PCDHGB7: variants seen among roughly 807,000 people sequenced by gnomAD.
PCDHGB7 encodes the protein protocadherin gamma subfamily B, 7.
A neutral mutation model predicts 61.4 loss-of-function variants in PCDHGB7; 37 were observed. The observed-to-expected ratio is 0.60, with a 90% CI of 0.46 to 0.79. PCDHGB7 has a LOEUF of 0.79. Ranked by LOEUF, PCDHGB7 falls within the 30% of genes least tolerant of loss-of-function variation. The pLI is 0.00. For missense variants in PCDHGB7, 1,166 were observed against 1,202.5 expected, an observed-to-expected ratio of 0.97 and a Z score of 0.45; for synonymous variants, 464 against 503.5, an observed-to-expected ratio of 0.92 and a Z score of 1.05.
Position 141,489,417 on chromosome 5 carries a change from G to A in PCDHGB7, c.2416-5390G>A, listed in dbSNP as rs1020232739. On this transcript the variant is annotated intron_variant, in intron 1 of 3. Coordinates refer to ENST00000398594, the MANE Select transcript of PCDHGB7 (RefSeq NM_018927.4). This position sits in a 1 kb window ranked among gnomAD's most constrained non-coding sequence, Gnocchi z 4.5. ...ATCTGGGCTTAAAGATGACAGATCT[G>A]TTGAGCCGGCGGCTGCAATTGGGCT... The A allele has an allele frequency of 1.2e-6, 2 of 1,614,172 alleles. No individual in the cohort carries two copies. The highest frequency in any genetic ancestry group is 3.3e-5 in the Admixed American group (2 of 60,030).
In PCDHGB7 at chr5:141,505,414, C is replaced by T. The variant is rs373956550; in HGVS notation, c.2496C>T (p.Thr832=). The T allele has an allele frequency of 3.0e-5, 48 of 1,614,046 alleles. No homozygotes were observed. In the African/African-American group the frequency reaches 3.1e-4, roughly 10 times the overall value. The change falls in exon 3 of 4, where the codon ACC becomes ACT. Residue 832 remains threonine (T), a synonymous_variant. Transcript: ENST00000398594. ...CCAGCTCCCAAAATGGCGATGACACCGGCACCTGGCCCAACAACCAGTTTG... is the reference window on the plus strand; with the variant it reads ...CCAGCTCCCAAAATGGCGATGACACTGGCACCTGGCCCAACAACCAGTTTG... ...GTSGSQNGDD[T]GTWPNNQFDT...
At position 141,432,627 on chromosome 5, in the gene PCDHGB7, C is replaced by A. The variant is rs886117102; in HGVS notation, c.2415+12353C>A. 1 of 1,613,652 alleles carries A rather than the reference C, an allele frequency of 6.2e-7. No homozygotes were observed. The highest frequency in any genetic ancestry group is 8.5e-7 in the Non-Finnish European group (1 of 1,179,952). On this transcript the variant is annotated intron_variant, in intron 1 of 3. Transcript: ENST00000398594. This position sits in a 1 kb window ranked among gnomAD's most constrained non-coding sequence, Gnocchi z 6.0. ...GGACTCTTCTCGGTGGGTCTGCACA[C>A]GGGCGAGGTGCGCACGGCGCGAGCC...
chr5:141,489,284 T>A lies in PCDHGB7; in HGVS notation c.2416-5523T>A. On this transcript the variant is annotated intron_variant, in intron 1 of 3. Transcript: ENST00000398594. This position sits in a 1 kb window ranked among gnomAD's most constrained non-coding sequence, Gnocchi z 4.5. ...CCACAGCTCGCTGGGAAATGGCAAG[T>A]GCTGTGCATGTTGTCCTTGTGCTGC... The A allele has an allele frequency of 6.4e-7, 1 of 1,570,016 alleles. No homozygotes were observed. The highest frequency in any genetic ancestry group is 2.2e-5 in the East Asian group (1 of 44,588).
chr5:141,453,784 G>T (rs767312144), intron 1 of PCDHGB7, among the ~76,000 whole-genome samples: 47 of 152,298 alleles, frequency 3.1e-4, no homozygotes, highest in Non-Finnish European at 5.6e-4. Flanking sequence ...AGTTACCATG[G>T]TATATTAACT....
In PCDHGB7 at chr5:141,485,178, T is replaced by A; in HGVS notation, c.2416-9629T>A. The stretch of plus-strand genomic sequence containing the variant: ...GAGAATTAGCGGGCGGCAGCAATGC[T>A]CCGCAAGGTGAGAAGCTGGACAGAA... On this transcript the variant is annotated intron_variant, in intron 1 of 3. Transcript: ENST00000398594. This position sits in a 1 kb window ranked among gnomAD's most constrained non-coding sequence, Gnocchi z 5.7. 1.2e-6 allele frequency: 2 copies of A among 1,612,400 alleles called. No homozygotes were observed. Among genetic ancestry groups the A allele is most frequent in the Non-Finnish European group, 1.7e-6 (2 of 1,178,628 alleles).
At position 141,419,265 on chromosome 5, in the gene PCDHGB7, C is replaced by G; in HGVS notation, c.1406C>G (p.Ala469Gly). The stretch of plus-strand genomic sequence containing the variant: ...GTGCCAGAAAACAACCAGCCGGGTG[C>G]CTCCATAGCGCAAGTCAGTGCCTCT... Reference protein sequence around the residue: ...VHVPENNQPGASIAQVSASDP... With the variant: ...VHVPENNQPGGSIAQVSASDP... The change falls in exon 1 of 4, where the codon GCC (alanine) becomes GGC (glycine). Residue 469 changes from alanine to glycine, a missense_variant. Coordinates refer to ENST00000398594, the MANE Select transcript of PCDHGB7 (RefSeq NM_018927.4). The G allele has an allele frequency of 6.2e-7, 1 of 1,614,040 alleles. No homozygotes were observed. Among genetic ancestry groups the G allele is most frequent in the Non-Finnish European group, 8.5e-7 (1 of 1,179,898 alleles).
Position 141,431,500 on chromosome 5 carries a change from C to T in PCDHGB7, c.2415+11226C>T, listed in dbSNP as rs903027252. On this transcript the variant is annotated intron_variant, in intron 1 of 3. Transcript: ENST00000398594. This position sits in a 1 kb window ranked among gnomAD's most constrained non-coding sequence, Gnocchi z 4.8. ...CACCAGCGTTTGCTCAGCCCGAGTACCGCGCGAGCGTTCCGGAGAATCTGG... is the reference window on the plus strand; with the variant it reads ...CACCAGCGTTTGCTCAGCCCGAGTATCGCGCGAGCGTTCCGGAGAATCTGG... The T allele has an allele frequency of 4.4e-5, 71 of 1,613,894 alleles. No individual in the cohort carries two copies. The highest frequency in any genetic ancestry group is 5.9e-5 in the Non-Finnish European group (70 of 1,180,050).
chr5:141,469,500 G>A (rs1471801110), intron 1 of PCDHGB7, among the ~76,000 whole-genome samples: 4 of 151,914 alleles, frequency 2.6e-5, no homozygotes, highest in South Asian at 2.1e-4. Flanking sequence ...GCTTGAACCC[G>A]GGAGGTGGAG....
chr5:141,419,395 G>A lies in PCDHGB7; in HGVS notation c.1536G>A (p.Gly512=). 1 of 1,613,596 alleles carries A rather than the reference G, an allele frequency of 6.2e-7. No individual in the cohort carries two copies. The highest frequency in any genetic ancestry group is 8.5e-7 in the Non-Finnish European group (1 of 1,179,904). Residue 512 remains glycine (G), a synonymous_variant, in exon 1 of 4, where the codon GGG becomes GGA. Transcript: ENST00000398594. ...ACGTGTCCGTGAGCGCGCAGAGCGG[G>A]GTGGTGTTCGCGCAGCGCGCCTTCG... The part of the protein sequence containing the change: ...SSYVSVSAQS[G]VVFAQRAFDH...
intron 1 of PCDHGB7, among the ~76,000 whole-genome samples, chr5:141,430,101 G>C (rs918427744): frequency 6.6e-6 from 1 of 152,036 alleles, no homozygotes; most frequent in African/African-American, 2.4e-5. Context: ...ATTTTTAAGC[G>C]TTACATGTCA....
In PCDHGB7 at chr5:141,432,596, G is replaced by T; in HGVS notation, c.2415+12322G>T. On this transcript the variant is annotated intron_variant, in intron 1 of 3. Transcript: ENST00000398594. This position sits in a 1 kb window ranked among gnomAD's most constrained non-coding sequence, Gnocchi z 6.0. The stretch of plus-strand genomic sequence containing the variant: ...GTCCTACCGTCTGCTCAAGGCCAGC[G>T]AGCCGGGACTCTTCTCGGTGGGTCT... 6.8e-6 allele frequency: 11 copies of T among 1,613,926 alleles called. No individual in the cohort carries two copies. The highest frequency in any genetic ancestry group is 9.3e-6 in the Non-Finnish European group (11 of 1,179,972).
At chr5:141,438,997 C>T (rs2098080665) in intron 1 of PCDHGB7, among the ~76,000 whole-genome samples, 1 of 151,716 alleles carries the variant, frequency 6.6e-6, no homozygotes, top group Admixed American at 6.6e-5. Flanking sequence ...AGGCTAAGGA[C>T]CTGGTTTGTT....
chr5:141,465,273 G>A (rs949271610), intron 1 of PCDHGB7, among the ~76,000 whole-genome samples: 1 of 152,068 alleles, frequency 6.6e-6, no homozygotes, highest in Non-Finnish European at 1.5e-5. Context: ...TAGCCATTTA[G>A]TTCACCCCTA....
intron 1 of PCDHGB7, chr5:141,421,617 C>A (rs781622911): frequency 6.2e-7 from 1 of 1,613,768 alleles, no homozygotes; most frequent in South Asian, 1.1e-5. Flanking sequence ...TTAATGATAA[C>A]GCCCCCAGCT....
intron 3 of PCDHGB7, among the ~76,000 whole-genome samples, chr5:141,509,766 G>A (rs1176830940): frequency 6.6e-6 from 1 of 152,104 alleles, no homozygotes; most frequent in Non-Finnish European, 1.5e-5. Flanking sequence ...TCCCTGAGAT[G>A]TCTAGTCCCC....
chr5:141,456,824 G>A (rs2098890304), intron 1 of PCDHGB7, among the ~76,000 whole-genome samples: 2 of 152,170 alleles, frequency 1.3e-5, no homozygotes, highest in South Asian at 2.1e-4. Context: ...ATTAGCCATC[G>A]TGGTAGTGGG....
At chr5:141,499,553 A>T (rs1215178587) in intron 2 of PCDHGB7, among the ~76,000 whole-genome samples, 3 of 152,206 alleles carry the variant, frequency 2.0e-5, no homozygotes, top group African/African-American at 4.8e-5. Context: ...CCTGTATGAT[A>T]CCACTATCCA....
At position 141,419,669 on chromosome 5, in the gene PCDHGB7, C is replaced by T; in HGVS notation, c.1810C>T (p.Leu604=). 1 of 1,612,840 alleles carries T rather than the reference C, an allele frequency of 6.2e-7. No homozygotes were observed. The highest frequency in any genetic ancestry group is 8.5e-7 in the Non-Finnish European group (1 of 1,179,736). ...CGCGGACTCGGGGCACAATGCCTGG[C>T]TGTCCTACCACGTGGTGCAGGCCAG... ...VDADSGHNAW[L]SYHVVQASEP... The change falls in exon 1 of 4, where the codon CTG becomes TTG. Residue 604 remains leucine (L), a synonymous_variant. Coordinates refer to ENST00000398594, the MANE Select transcript of PCDHGB7 (RefSeq NM_018927.4).
In PCDHGB7 at chr5:141,491,731, C is replaced by T. The variant is rs1198438920; in HGVS notation, c.2416-3076C>T. ...GGGCTCGGCGCCGCCCCGGGCGACC[C>T]CTGGGGGCGGCACTGGAGAAGCCGC... On this transcript the variant is annotated intron_variant, in intron 1 of 3. Coordinates refer to ENST00000398594, the MANE Select transcript of PCDHGB7 (RefSeq NM_018927.4). The surrounding 1 kb of genome is among the most constrained non-coding windows in gnomAD (Gnocchi z 6.9). 1 of 1,603,678 alleles carries T rather than the reference C, an allele frequency of 6.2e-7. No homozygotes were observed. Among genetic ancestry groups the T allele is most frequent in the Non-Finnish European group, 8.5e-7 (1 of 1,175,748 alleles).
Sources: gnomAD v4.1 joint callset for allele counts (sites outside exome capture counted in the v4.1 genomes callset) on GRCh38, gnomAD v4.1.1 for gene constraint, Gnocchi (gnomAD v3.1) non-coding constraint, MANE v1.5 for transcripts, NCBI Gene and HGNC (gene_info 2026-07-23, HGNC 2026-07-21) for gene names.